The following NEDD4 variants were observed in gnomAD, a reference collection of about 807,000 sequenced individuals.
NEDD4 encodes the protein E3 ubiquitin-protein ligase NEDD4.
NEDD4 carries 99 observed loss-of-function variants against 144.9 expected under a neutral mutation model. The observed-to-expected ratio is 0.68, with a 90% CI of 0.58 to 0.81. The LOEUF is 0.81. Ranked by LOEUF, NEDD4 falls within the 30% of genes least tolerant of loss-of-function variation. The probability of loss-of-function intolerance (pLI) is 0.00; values close to 1 mark genes in which losing one functional copy is unlikely to be tolerated. For synonymous variants in NEDD4, 318 were observed against 350.6 expected (o/e 0.91, Z 1.04); for missense variants, 985 against 1,065.9 (o/e 0.92, Z 1.06).
At chr15:55,983,286 G>A (rs1024110542) in intron 1 of NEDD4, among the ~76,000 whole-genome samples, 3 of 144,114 alleles carry the variant, frequency 2.1e-5, no homozygotes, top group African/African-American at 5.2e-5. Flanking sequence ...GACGACAATG[G>A]TGTGTGTGTG....
At position 55,845,771 on chromosome 15, in the gene NEDD4, C is replaced by T. The variant is rs775774877; in HGVS notation, c.1608+1198G>A. Among the ~76,000 whole-genome samples, 211 of 150,234 alleles carry T rather than the reference C, an allele frequency of 1.4e-3. 6 individuals are homozygous for T. Among genetic ancestry groups the T allele is most frequent in the East Asian group, 3.9e-4 (2 of 5,106 alleles). On this transcript the variant is annotated intron_variant, in intron 18 of 28. Transcript: ENST00000435532. ...AAACAAATTTCCAGGGAAATTTCGA[C>T]ACAAAGTTATTCTTTTTTTCTTTTT... is the stretch of plus-strand genomic sequence containing the variant.
At chr15:55,875,016 T>C (rs1204729329) in intron 5 of NEDD4, among the ~76,000 whole-genome samples, 2 of 149,572 alleles carry the variant, frequency 1.3e-5, no homozygotes, top group Non-Finnish European at 3.0e-5. Context: ...CAGGGAAATA[T>C]AATAAAATTC....
At position 55,871,956 on chromosome 15, in the gene NEDD4, G is replaced by A. The variant is rs950802208; in HGVS notation, c.404+459C>T. ...TTTGGGAAAATGGAATTATAAGCAT[G>A]CTATTTGGGTTTTAAATTCCAGTCT... On this transcript the variant is annotated intron_variant, in intron 7 of 28. Transcript: ENST00000435532. Among the ~76,000 whole-genome samples the A allele has an allele frequency of 1.3e-4, 20 of 152,212 alleles. 4 individuals are homozygous for A. Among genetic ancestry groups the A allele is most frequent in the African/African-American group, 4.8e-4 (20 of 41,548 alleles).
chr15:55,970,089 C>G (rs1467750129), intron 1 of NEDD4, among the ~76,000 whole-genome samples: 4 of 151,866 alleles, frequency 2.6e-5, no homozygotes, highest in Non-Finnish European at 4.4e-5. Flanking sequence ...ATTAAAGAGA[C>G]GTTGGGCCCT....
intron 4 of NEDD4, among the ~76,000 whole-genome samples, chr15:55,944,880 G>A (rs992521115): frequency 6.6e-6 from 1 of 152,168 alleles, no homozygotes; most frequent in Admixed American, 6.5e-5. Flanking sequence ...GGTCTGGAGT[G>A]GACCTCCAGC....
intron 19 of NEDD4, 147 bp downstream of exon 19, chr15:55,841,786 TG>T: frequency 1.6e-6 from 1 of 644,588 alleles, no homozygotes; most frequent in Admixed American, 2.7e-5. Context: ...TTAGCTAGGA[TG>T]GTCTCGATAT....
intron 5 of NEDD4, among the ~76,000 whole-genome samples, chr15:55,886,293 G>A (rs528568271): frequency 3.3e-5 from 5 of 152,180 alleles, no homozygotes; most frequent in South Asian, 2.1e-4. Flanking sequence ...ACAGATATCC[G>A]GACAGAAAAT....
chr15:55,986,629 G>A (rs558351396), intron 1 of NEDD4, among the ~76,000 whole-genome samples: 14 of 120,276 alleles, frequency 1.2e-4, no homozygotes, highest in South Asian at 2.9e-4. Context: ...TCGCTCCGTC[G>A]CCGAGGCTGG....
intron 1 of NEDD4, among the ~76,000 whole-genome samples, chr15:55,993,179 G>A (rs1418898310): frequency 1.3e-5 from 2 of 152,214 alleles, no homozygotes; most frequent in South Asian, 2.1e-4. Context: ...GGGGTGGCAG[G>A]AAGGGGCTGG....
At chr15:55,965,187 A>G (rs1242021407) in intron 2 of NEDD4, among the ~76,000 whole-genome samples, 2 of 152,140 alleles carry the variant, frequency 1.3e-5, no homozygotes, top group Admixed American at 6.5e-5. Context: ...GACAAGAGCC[A>G]CAAATCCTGT....
intron 5 of NEDD4, among the ~76,000 whole-genome samples, chr15:55,897,056 C>G (rs578246148): frequency 4.5e-4 from 68 of 152,268 alleles, no homozygotes; most frequent in African/African-American, 1.6e-3. Flanking sequence ...TCACTGCAAG[C>G]TCCACCTCCC....
intron 17 of NEDD4, 115 bp downstream of exon 17, chr15:55,848,257 G>C: frequency 2.2e-6 from 2 of 927,032 alleles, no homozygotes; most frequent in Non-Finnish European, 3.5e-6. Context: ...GGAGAGGAGA[G>C]AACGGCCAAT....
rs769353336 is a variant in NEDD4, at chr15:55,848,382, A to G, written c.1532T>C (p.Ile511Thr). Reference sequence around the variant, plus strand: ...GGCAGAGAGACTTACTGGTCCAGTTATTGCTACATTCTCCAACCGAGGATC... The same window carrying G: ...GGCAGAGAGACTTACTGGTCCAGTTGTTGCTACATTCTCCAACCGAGGATC... ...WEDPRLENVA[I>T]TGPAVPYSRD... The change falls in exon 17 of 29, where the codon ATA becomes ACA. Residue 511 changes from isoleucine (I) to threonine (T), a missense_variant. Transcript: ENST00000435532. The G allele has an allele frequency of 6.2e-7, 1 of 1,614,014 alleles. No homozygotes were observed. The highest frequency in any genetic ancestry group is 1.1e-5 in the South Asian group (1 of 91,086).
chr15:55,950,631 G>A (rs1264553849), intron 4 of NEDD4, among the ~76,000 whole-genome samples: 3 of 151,686 alleles, frequency 2.0e-5, no homozygotes, highest in African/African-American at 7.3e-5. Context: ...GAGTGATGGG[G>A]ATTTAGAGTA....
intron 22 of NEDD4, 57 bp downstream of exon 22, chr15:55,838,452 A>C: frequency 8.3e-7 from 1 of 1,199,200 alleles, no homozygotes; most frequent in Non-Finnish European, 1.2e-6. Context: ...ACGTATTAAC[A>C]TCTAAACATT....
chr15:55,871,822 C>T (rs1056083957), intron 7 of NEDD4, among the ~76,000 whole-genome samples: 7 of 152,082 alleles, frequency 4.6e-5, no homozygotes, highest in Non-Finnish European at 7.4e-5. Context: ...GACAGTAAAT[C>T]CACACACGTT....
intron 5 of NEDD4, among the ~76,000 whole-genome samples, chr15:55,892,850 C>T (rs755229270): frequency 6.6e-6 from 1 of 152,034 alleles, no homozygotes; most frequent in Non-Finnish European, 1.5e-5. Context: ...GTATGGTATG[C>T]TATTATATGG....
chr15:55,849,121 G>A (rs796801253), intron 14 of NEDD4, among the ~76,000 whole-genome samples: 10 of 152,248 alleles, frequency 6.6e-5, no homozygotes, highest in African/African-American at 2.2e-4. Flanking sequence ...CCACTAACTG[G>A]TCATTTCTTT....
chr15:55,906,834 G>A (rs1318351649), intron 5 of NEDD4, among the ~76,000 whole-genome samples: 3 of 152,066 alleles, frequency 2.0e-5, no homozygotes, highest in African/African-American at 2.4e-5. Flanking sequence ...AGTGGCTCAC[G>A]CCCATAATCC....
Sources: gnomAD v4.1 joint callset for allele counts (sites outside exome capture counted in the v4.1 genomes callset) on GRCh38, gnomAD v4.1.1 for gene constraint, MANE v1.5 for transcripts, NCBI Gene and HGNC (gene_info 2026-07-23, HGNC 2026-07-21) for gene names.